IGSF3: variants seen among roughly 807,000 people sequenced by gnomAD.
The protein encoded by IGSF3 is immunoglobulin superfamily member 3, also known as glu-Trp-Ile EWI motif-containing protein 3.
IGSF3 carries 23 observed loss-of-function variants against 114.4 expected under a neutral mutation model. The ratio of observed to expected loss-of-function variants is 0.20; its 90% CI spans 0.14 to 0.28. IGSF3 has a LOEUF of 0.28. IGSF3 is among the 10% of genes least tolerant of loss of function. The probability of loss-of-function intolerance (pLI) is 1.00; values close to 1 mark genes in which losing one functional copy is unlikely to be tolerated. For missense variants in IGSF3, 1,172 were observed against 1,591.5 expected, an observed-to-expected ratio of 0.74 and a Z score of 4.48; for synonymous variants, 571 against 645.2, an observed-to-expected ratio of 0.88 and a Z score of 1.74.
rs1242141821 is a variant in IGSF3, at chr1:116,661,606, C to T, written c.43+4678G>A. ...CCAGAGGCTCGGCTTCAGAGTCAAA[C>T]GGAATAGCTTATTAGATGTAAGAAC... On this transcript the variant is annotated intron_variant, in intron 2 of 10. Coordinates refer to ENST00000369486, the MANE Select transcript of IGSF3 (RefSeq NM_001007237.3). The surrounding 1 kb of genome is among the most constrained non-coding windows in gnomAD (Gnocchi z 4.0). 1.3e-5 allele frequency among the ~76,000 whole-genome samples: 2 copies of T among 152,136 alleles called. No homozygotes were observed. The highest frequency in any genetic ancestry group is 2.4e-5 in the African/African-American group (1 of 41,418).
intron 2 of IGSF3, among the ~76,000 whole-genome samples, chr1:116,639,609 T>C (rs1273039927): frequency 2.6e-5 from 4 of 152,228 alleles, no homozygotes; most frequent in Non-Finnish European, 4.4e-5. Context: ...TACAGTGCCA[T>C]TGCTTCTTCC....
chr1:116,625,225 C>T lies in IGSF3; in HGVS notation c.44-8768G>A, dbSNP rs974443870. 7.2e-5 allele frequency among the ~76,000 whole-genome samples: 11 copies of T among 152,170 alleles called. No homozygotes were observed. The highest frequency in any genetic ancestry group is 2.2e-4 in the African/African-American group (9 of 41,448). ...TAGTTGACAAGTTGTCCTAAGCTGA[C>T]AATCCTAAAATAAATACACATAACT... On this transcript the variant is annotated intron_variant, in intron 2 of 10. Coordinates refer to ENST00000369486, the MANE Select transcript of IGSF3 (RefSeq NM_001007237.3). This position sits in a 1 kb window ranked among gnomAD's most constrained non-coding sequence, Gnocchi z 4.7.
chr1:116,601,336 T>C (rs1268196793), intron 6 of IGSF3, among the ~76,000 whole-genome samples: 2 of 152,208 alleles, frequency 1.3e-5, no homozygotes, highest in African/African-American at 2.4e-5. Context: ...GCTTTACCCA[T>C]GGAAAGCATA....
In IGSF3 at chr1:116,633,061, C is replaced by T. The variant is rs1191995983; in HGVS notation, c.44-16604G>A. 6.6e-6 allele frequency among the ~76,000 whole-genome samples: 1 copy of T among 152,218 alleles called. No homozygotes were observed. The highest frequency in any genetic ancestry group is 2.4e-5 in the African/African-American group (1 of 41,452). ...ATGCTATATAGACCAATGCTGCACG[C>T]TGCAGAGACACAGTCTTTGGGTTCT... On this transcript the variant is annotated intron_variant, in intron 2 of 10. Transcript: ENST00000369486. The surrounding 1 kb of genome is among the most constrained non-coding windows in gnomAD (Gnocchi z 4.3).
intron 5 of IGSF3, chr1:116,606,607 G>A: frequency 6.7e-6 from 5 of 745,150 alleles, no homozygotes; most frequent in Middle Eastern, 2.4e-4. Flanking sequence ...AGAAGGGGTT[G>A]GGGGAAATCT....
At chr1:116,653,700 A>G (rs142412343) in intron 2 of IGSF3, among the ~76,000 whole-genome samples, 2,223 of 152,298 alleles carry the variant, frequency 0.015, 63 homozygotes, top group African/African-American at 0.051. Context: ...CACCTTTAAA[A>G]TAAGAGGACT....
At chr1:116,653,851 C>G (rs925255835) in intron 2 of IGSF3, among the ~76,000 whole-genome samples, 1 of 152,226 alleles carries the variant, frequency 6.6e-6, no homozygotes, top group Non-Finnish European at 1.5e-5. Context: ...AGAACTGGAA[C>G]CAATCACCTG....
chr1:116,588,971 C>T lies in IGSF3; in HGVS notation c.2163G>A (p.Lys721=), dbSNP rs1182272637. 2 of 1,614,088 alleles carry T rather than the reference C, an allele frequency of 1.2e-6. No homozygotes were observed. Among genetic ancestry groups the T allele is most frequent in the African/African-American group, 1.3e-5 (1 of 74,938 alleles). The change falls in exon 8 of 11, where the codon AAG becomes AAA. Residue 721 remains lysine, a synonymous_variant. Coordinates refer to ENST00000369486, the MANE Select transcript of IGSF3 (RefSeq NM_001007237.3). This position sits in a 1 kb window ranked among gnomAD's most constrained non-coding sequence, Gnocchi z 4.9. ...SHFAVLWYVH[K]PSDADGKLIL... Reference sequence around the variant, plus strand: ...TAAGCTTGCCATCGGCATCCGAGGGCTTGTGGACATACCAGAGCACCGCAA... The same window carrying T: ...TAAGCTTGCCATCGGCATCCGAGGGTTTGTGGACATACCAGAGCACCGCAA...
Position 116,666,788 on chromosome 1 carries a change from G to A in IGSF3, c.-462C>T. On this transcript the variant is annotated 5_prime_UTR_variant, in exon 2 of 11. Transcript: ENST00000369486. ...GCAGGTTTCGTCAAAACCTTTGACG[G>A]CCAAATCACCCTGCCTGGCATCAAC... The A allele has an allele frequency of 2.4e-6, 1 of 412,768 alleles. No individual in the cohort carries two copies. The highest frequency in any genetic ancestry group is 3.5e-5 in the East Asian group (1 of 28,406). 25.6% of individuals were successfully genotyped at this position (412,768 alleles called of 1,614,324 possible). A position where few individuals can be genotyped will look rare whatever the true frequency, so the allele number is the denominator to read the frequency against.
At position 116,595,600 on chromosome 1, in the gene IGSF3, C is replaced by T. The variant is rs1289494169; in HGVS notation, c.2029+4341G>A. 1.3e-5 allele frequency among the ~76,000 whole-genome samples: 2 copies of T among 152,216 alleles called. No individual in the cohort carries two copies. The highest frequency in any genetic ancestry group is 2.9e-5 in the Non-Finnish European group (2 of 68,034). Reference sequence around the variant, plus strand: ...CATCCTGACTGCCCATCAGTAAAATCCCAGCAGAATACACCCTCTGACAAG... The same window carrying T: ...CATCCTGACTGCCCATCAGTAAAATTCCAGCAGAATACACCCTCTGACAAG... On this transcript the variant is annotated intron_variant, in intron 7 of 10. Transcript: ENST00000369486. The surrounding 1 kb of genome is among the most constrained non-coding windows in gnomAD (Gnocchi z 4.2).
At chr1:116,626,347 ATTGAG>A (rs1416571021) in intron 2 of IGSF3, among the ~76,000 whole-genome samples, 1 of 151,124 alleles carries the variant, frequency 6.6e-6, no homozygotes, top group Non-Finnish European at 1.5e-5. Context: ...CGTCCCTTTC[ATTGAG>A]TTATGATCCT....
At chr1:116,653,682 G>A (rs1251443840) in intron 2 of IGSF3, among the ~76,000 whole-genome samples, 1 of 152,110 alleles carries the variant, frequency 6.6e-6, no homozygotes, top group South Asian at 2.1e-4. Flanking sequence ...CTTCCCTCTA[G>A]GACAATTCAC....
In IGSF3 at chr1:116,577,224, A is replaced by C; in HGVS notation, c.*88T>G. Reference sequence around the variant, plus strand: ...ACAACTTTCCACACACATGCACCCCAGAGTTTGGGTGCTGTCAACTGTCCA... The same window carrying C: ...ACAACTTTCCACACACATGCACCCCCGAGTTTGGGTGCTGTCAACTGTCCA... On this transcript the variant is annotated 3_prime_UTR_variant, in exon 11 of 11. Transcript: ENST00000369486. This position sits in a 1 kb window ranked among gnomAD's most constrained non-coding sequence, Gnocchi z 5.7. 1.4e-6 allele frequency: 2 copies of C among 1,457,200 alleles called. No homozygotes were observed. Among genetic ancestry groups the C allele is most frequent in the Non-Finnish European group, 1.9e-6 (2 of 1,069,712 alleles). 90.3% of individuals were successfully genotyped at this position (1,457,200 alleles called of 1,614,324 possible).
chr1:116,616,112 A>T lies in IGSF3; in HGVS notation c.389T>A (p.Phe130Tyr). ...CHTPSTDKQY[F>Y]GSYSAKMNLV... ...GTTCATCTTTGCACTGTAACTCCCA[A>T]AGTATTGCTTATCAGTGCTGGGTGT... Residue 130 changes from phenylalanine to tyrosine, a missense_variant, in exon 3 of 11, where the codon TTT becomes TAT. Around this residue, in one of 3 missense-constraint regions of IGSF3, gnomAD observed 736 missense variants for 1,042.0 expected, o/e 0.71. Transcript: ENST00000369486. The surrounding 1 kb of genome is among the most constrained non-coding windows in gnomAD (Gnocchi z 6.6). 2 of 1,608,634 alleles carry T rather than the reference A, an allele frequency of 1.2e-6. No individual in the cohort carries two copies.
chr1:116,584,711 T>C lies in IGSF3; in HGVS notation c.2782A>G (p.Ser928Gly). The C allele has an allele frequency of 1.2e-6, 2 of 1,613,656 alleles. No homozygotes were observed. Among genetic ancestry groups the C allele is most frequent in the African/African-American group, 2.7e-5 (2 of 75,076 alleles). Residue 928 changes from serine (S) to glycine (G), a missense_variant, in exon 9 of 11, where the codon AGT becomes GGT. By Grantham distance (56) the Ser-to-Gly change is moderately conservative. Around this residue, in one of 3 missense-constraint regions of IGSF3, gnomAD observed 423 missense variants for 509.8 expected, o/e 0.83. Coordinates refer to ENST00000369486, the MANE Select transcript of IGSF3 (RefSeq NM_001007237.3). The surrounding 1 kb of genome is among the most constrained non-coding windows in gnomAD (Gnocchi z 5.8). ...CHVEEWLPSP[S>G]GMWYKRAEDT... Reference sequence around the variant, plus strand: ...TCTGCCCGCTTATACCACATGCCACTGGGGCTGGGCAGCCACTCCTCCACA... The same window carrying C: ...TCTGCCCGCTTATACCACATGCCACCGGGGCTGGGCAGCCACTCCTCCACA...
intron 4 of IGSF3, among the ~76,000 whole-genome samples, chr1:116,608,720 A>T (rs1660897087): frequency 2.6e-5 from 4 of 152,168 alleles, no homozygotes; most frequent in Non-Finnish European, 5.9e-5. Context: ...ACTCTATTTA[A>T]GCAACAGCAT....
At chr1:116,602,926 T>C (rs1363196282) in intron 6 of IGSF3, among the ~76,000 whole-genome samples, 9 of 152,220 alleles carry the variant, frequency 5.9e-5, no homozygotes, top group Admixed American at 5.9e-4. Flanking sequence ...AGGTATCTTT[T>C]CATTCCACGC....
rs1041470195 is a variant in IGSF3 at position 116,584,153 on chromosome 1, C to G, written c.2848+492G>C. On this transcript the variant is annotated intron_variant, in intron 9 of 10. Coordinates refer to ENST00000369486, the MANE Select transcript of IGSF3 (RefSeq NM_001007237.3). The surrounding 1 kb of genome is among the most constrained non-coding windows in gnomAD (Gnocchi z 5.8). ...GCAGTGAGCCGAGATCGCACCACTG[C>G]ACTCTGCACTCCAGCCTGGGTGACA... Among the ~76,000 whole-genome samples the G allele has an allele frequency of 6.6e-6, 1 of 151,772 alleles. No individual in the cohort carries two copies. Among genetic ancestry groups the G allele is most frequent in the Non-Finnish European group, 1.5e-5 (1 of 67,996 alleles).
In IGSF3 at chr1:116,638,484, C is replaced by G. The variant is rs1327038067; in HGVS notation, c.44-22027G>C. On this transcript the variant is annotated intron_variant, in intron 2 of 10. Transcript: ENST00000369486. This position sits in a 1 kb window ranked among gnomAD's most constrained non-coding sequence, Gnocchi z 4.1. ...ATCACATCAAGTCCAAACTCCGTGT[C>G]TTGGTATCCAAGGCTTCAAAAGTCT... Among the ~76,000 whole-genome samples the G allele has an allele frequency of 6.6e-6, 1 of 152,226 alleles. No homozygotes were observed. The highest frequency in any genetic ancestry group is 6.5e-5 in the Admixed American group (1 of 15,286).
Sources: gnomAD v4.1 joint callset for allele counts (sites outside exome capture counted in the v4.1 genomes callset) on GRCh38, gnomAD v4.1.1 for gene constraint, gnomAD v4.1.1 regional missense constraint, Gnocchi (gnomAD v3.1) non-coding constraint, MANE v1.5 for transcripts, NCBI Gene and HGNC (gene_info 2026-07-23, HGNC 2026-07-21) for gene names.